The following MAGI2 variants were observed in gnomAD, a reference collection of about 807,000 sequenced individuals.
MAGI2 encodes the protein membrane associated guanylate kinase, WW and PDZ domain containing 2, also known as membrane-associated guanylate kinase, WW and PDZ domain-containing protein 2.
A neutral mutation model predicts 133.3 loss-of-function variants in MAGI2; 35 were observed. The observed-to-expected ratio is 0.26, with a 90% CI of 0.20 to 0.35. The LOEUF is 0.35. Among genes scored for constraint, MAGI2 ranks in the 10% least tolerant of loss-of-function variants. The probability of loss-of-function intolerance (pLI) is 1.00; values close to 1 mark genes in which losing one functional copy is unlikely to be tolerated. For synonymous variants in MAGI2, 729 were observed against 710.6 expected (o/e 1.03, Z -0.41); for missense variants, 1,636 against 1,863.4 (o/e 0.88, Z 2.25).
chr7:78,571,576 ATGGT>A (rs1342692209), intron 3 of MAGI2, among the ~76,000 whole-genome samples: 2 of 152,164 alleles, frequency 1.3e-5, no homozygotes, highest in African/African-American at 4.8e-5. Flanking sequence ...TGTTGGATGG[ATGGT>A]TATAATTTCA....
chr7:78,032,757 A>G (rs1809722459), intron 21 of MAGI2, among the ~76,000 whole-genome samples: 1 of 152,158 alleles, frequency 6.6e-6, no homozygotes, highest in Admixed American at 6.5e-5. Flanking sequence ...TCATCAGGGA[A>G]GGTGATATTA....
intron 2 of MAGI2, among the ~76,000 whole-genome samples, chr7:78,882,225 C>T (rs1469800495): frequency 6.6e-6 from 1 of 150,586 alleles, no homozygotes; most frequent in Admixed American, 6.6e-5. Flanking sequence ...ATCTCAAGGA[C>T]TGTTATGAAC....
At chr7:78,282,661 TAATA>T (rs1456704490) in intron 9 of MAGI2, among the ~76,000 whole-genome samples, 1 of 152,228 alleles carries the variant, frequency 6.6e-6, no homozygotes, top group South Asian at 2.1e-4. Context: ...TGTACTTAGG[TAATA>T]AATAAATTCA....
intron 1 of MAGI2, among the ~76,000 whole-genome samples, chr7:79,139,268 G>T (rs903938230): frequency 2.0e-5 from 3 of 152,016 alleles, no homozygotes; most frequent in African/African-American, 7.3e-5. Context: ...TACCTAAAAG[G>T]GTTAATCTAA....
At chr7:78,779,029 C>G (rs1826196908) in intron 2 of MAGI2, among the ~76,000 whole-genome samples, 1 of 151,638 alleles carries the variant, frequency 6.6e-6, no homozygotes, top group Non-Finnish European at 1.5e-5. Context: ...TCCTCAGCCT[C>G]CCGAGTAGTG....
chr7:78,641,615 A>G (rs1030150953), intron 2 of MAGI2, among the ~76,000 whole-genome samples: 3 of 152,184 alleles, frequency 2.0e-5, no homozygotes, highest in Non-Finnish European at 2.9e-5. Flanking sequence ...CCAGCATTTG[A>G]GTGCACTACC....
intron 1 of MAGI2, among the ~76,000 whole-genome samples, chr7:79,037,664 G>C (rs1023182443): frequency 2.6e-5 from 4 of 152,084 alleles, no homozygotes; most frequent in African/African-American, 9.7e-5. Flanking sequence ...ATCTAAGTCA[G>C]AGCTCAAATT....
intron 1 of MAGI2, among the ~76,000 whole-genome samples, chr7:79,161,270 G>A (rs1429803361): frequency 6.6e-6 from 1 of 151,978 alleles, no homozygotes; most frequent in Admixed American, 6.6e-5. Context: ...CACACTAAAT[G>A]GGAACTAGTA....
At chr7:78,472,403 T>G (rs1269291540) in intron 6 of MAGI2, among the ~76,000 whole-genome samples, 1 of 152,058 alleles carries the variant, frequency 6.6e-6, no homozygotes, top group Non-Finnish European at 1.5e-5. Flanking sequence ...ATTAATAACC[T>G]AGAAGCACTT....
intron 3 of MAGI2, chr7:78,614,710 A>C (rs967701037): frequency 1.3e-5 from 2 of 152,162 alleles, no homozygotes; most frequent in Non-Finnish European, 2.9e-5. Context: ...TATAAATTTG[A>C]ATATATATAA....
intron 1 of MAGI2, among the ~76,000 whole-genome samples, chr7:79,081,453 G>C (rs906502133): frequency 6.6e-6 from 1 of 152,106 alleles, no homozygotes; most frequent in Non-Finnish European, 1.5e-5. Flanking sequence ...ATTGGCTTTG[G>C]TTACCTATAC....
intron 1 of MAGI2, among the ~76,000 whole-genome samples, chr7:79,436,302 G>A (rs1379181576): frequency 6.7e-6 from 1 of 149,370 alleles, no homozygotes; most frequent in African/African-American, 2.5e-5. Flanking sequence ...AATAATTTAT[G>A]ACTAAGAAGT....
intron 3 of MAGI2, among the ~76,000 whole-genome samples, chr7:78,542,561 T>C (rs1285054928): frequency 6.6e-6 from 1 of 152,102 alleles, no homozygotes; most frequent in Admixed American, 6.6e-5. Flanking sequence ...GCGATGCTAT[T>C]TATACTAAGA....
chr7:79,281,674 G>C (rs1439641497), intron 1 of MAGI2, among the ~76,000 whole-genome samples: 1 of 152,144 alleles, frequency 6.6e-6, no homozygotes, highest in Non-Finnish European at 1.5e-5. Context: ...GTAAAATGAA[G>C]TTATGGAAAA....
At chr7:78,118,318 A>G (rs1383825808) in intron 20 of MAGI2, among the ~76,000 whole-genome samples, 1 of 152,210 alleles carries the variant, frequency 6.6e-6, no homozygotes, top group African/African-American at 2.4e-5. Context: ...ATGACACAAA[A>G]GGCATAATCT....
Position 79,324,606 on chromosome 7 carries a change from A to AT in MAGI2, c.301+128413_301+128414insA, listed in dbSNP as rs1410281540. On this transcript the variant is annotated intron_variant, in intron 1 of 21. Transcript: ENST00000354212. The stretch of plus-strand genomic sequence containing the variant: ...CATATATATATAACAATATATATAT[A>AT]AAAAATATATATAATATATATATTA... Among the ~76,000 whole-genome samples the AT allele has an allele frequency of 2.5e-4, 10 of 39,494 alleles. 1 individual carries two copies. Among genetic ancestry groups the AT allele is most frequent in the African/African-American group, 7.6e-4 (9 of 11,812 alleles). The allele number at this position is 39,494 out of a possible 152,430, so 25.9% of individuals were successfully genotyped here.
chr7:78,936,554 T>G (rs1002451034), intron 2 of MAGI2, among the ~76,000 whole-genome samples: 19 of 152,032 alleles, frequency 1.2e-4, no homozygotes, highest in African/African-American at 4.3e-4. Context: ...CTATATATTT[T>G]GATGCCAACA....
intron 2 of MAGI2, among the ~76,000 whole-genome samples, chr7:78,809,196 T>G (rs537614587): frequency 6.6e-6 from 1 of 152,182 alleles, no homozygotes; most frequent in African/African-American, 2.4e-5. Context: ...GTGAACTCTT[T>G]AGGATGATAC....
chr7:78,416,446 AT>A (rs1178311335), intron 6 of MAGI2, among the ~76,000 whole-genome samples: 1 of 152,178 alleles, frequency 6.6e-6, no homozygotes, highest in Non-Finnish European at 1.5e-5. Flanking sequence ...CACTATATAA[AT>A]TATTCATATG....
Sources: gnomAD v4.1 joint callset for allele counts (sites outside exome capture counted in the v4.1 genomes callset) on GRCh38, gnomAD v4.1.1 for gene constraint, MANE v1.5 for transcripts, NCBI Gene and HGNC (gene_info 2026-07-23, HGNC 2026-07-21) for gene names.